DNAI2: variants seen among roughly 807,000 people sequenced by gnomAD.
DNAI2 encodes dynein, axonemal, intermediate polypeptide 2.
Under a neutral mutation model 74.7 loss-of-function variants are expected in DNAI2, and 63 were observed. The ratio of observed to expected loss-of-function variants is 0.84; its 90% confidence interval spans 0.69 to 1.04. The LOEUF (loss-of-function observed/expected upper bound fraction) is 1.04. DNAI2 is among the 50% of genes least tolerant of loss of function. The pLI is 0.00. For missense variants in DNAI2, 688 were observed against 803.2 expected (o/e 0.86, Z 1.73); for synonymous variants, 289 against 314.9 (o/e 0.92, Z 0.87).
Position 74,309,353 on chromosome 17 carries a change from A to G in DNAI2, c.1312A>G (p.Met438Val), listed in dbSNP as rs2053372810. ...CGGAACCCTGGATATCTGGGACTTC[A>G]TGTTCGAGCAGTGCGATCCCACCCT... ...MDGTLDIWDFMFEQCDPTLSL... is the reference protein window; with the variant it reads ...MDGTLDIWDFVFEQCDPTLSL... Residue 438 changes from methionine to valine, a missense_variant, in exon 10 of 14, where the codon ATG becomes GTG. Transcript: ENST00000311014. 1.9e-6 allele frequency: 3 copies of G among 1,614,060 alleles called. No individual in the cohort carries two copies. Among genetic ancestry groups the G allele is most frequent in the East Asian group, 2.2e-5 (1 of 44,896 alleles).
In DNAI2 at chr17:74,304,518, G is replaced by A. The variant is rs555278579; in HGVS notation, c.988-701G>A. On this transcript the variant is annotated intron_variant, in intron 8 of 13. Transcript: ENST00000311014. ...ACAAGGAAGGGCATTGCGTGATGGA[G>A]GGGGTCATGCTCAGAGACGCGAGGG... 6.6e-4 allele frequency among the ~76,000 whole-genome samples: 100 copies of A among 152,306 alleles called. 1 individual carries two copies. The highest frequency in any genetic ancestry group is 2.3e-3 in the African/African-American group (97 of 41,564).
chr17:74,311,137 C>T (rs1466038298), intron 11 of DNAI2, among the ~76,000 whole-genome samples: 4 of 150,916 alleles, frequency 2.7e-5, no homozygotes, highest in African/African-American at 9.7e-5. Context: ...GCCTCCCAAA[C>T]TGCTGGGATT....
At chr17:74,305,558 C>A in intron 9 of DNAI2, 116 bp downstream of exon 9, 1 of 874,334 alleles carries the variant, frequency 1.1e-6, no homozygotes, top group Non-Finnish European at 1.8e-6. Context: ...AAAAACCTTT[C>A]CACAAACACC....
chr17:74,296,213 G>A (rs765101863), intron 6 of DNAI2, among the ~76,000 whole-genome samples: 23 of 151,932 alleles, frequency 1.5e-4, no homozygotes, highest in Non-Finnish European at 2.9e-4. Context: ...AGTGGCTCAC[G>A]TCTGTAATCC....
intron 6 of DNAI2, among the ~76,000 whole-genome samples, chr17:74,296,255 G>A (rs1157315004): frequency 6.6e-6 from 1 of 150,442 alleles, no homozygotes; most frequent in African/African-American, 2.4e-5. Flanking sequence ...CGGGAGGATC[G>A]CCTGCATTCA....
At chr17:74,276,845 AG>A (rs886410234) in intron 1 of DNAI2, among the ~76,000 whole-genome samples, 25 of 152,342 alleles carry the variant, frequency 1.6e-4, no homozygotes, top group African/African-American at 6.0e-4. Flanking sequence ...TTCTTTTAAA[AG>A]TCAGAGACAG....
intron 4 of DNAI2, among the ~76,000 whole-genome samples, chr17:74,287,594 A>C (rs35967811): frequency 0.11 from 16,493 of 152,274 alleles, 1,164 homozygotes; most frequent in Non-Finnish European, 0.16. Flanking sequence ...AGCTAAGTCC[A>C]TCCATAGGGG....
At chr17:74,288,761 G>A (rs962901990) in intron 4 of DNAI2, among the ~76,000 whole-genome samples, 1 of 152,176 alleles carries the variant, frequency 6.6e-6, no homozygotes, top group Non-Finnish European at 1.5e-5. Context: ...GGGTGGAAGT[G>A]AGAAAGACCA....
intron 1 of DNAI2, among the ~76,000 whole-genome samples, chr17:74,275,584 G>C (rs958135799): frequency 6.6e-6 from 1 of 152,106 alleles, no homozygotes; most frequent in South Asian, 2.1e-4. Flanking sequence ...AATTCTGGCC[G>C]GGTGCAGTGG....
At chr17:74,279,742 T>C (rs1598264239) in intron 1 of DNAI2, among the ~76,000 whole-genome samples, 2 of 152,232 alleles carry the variant, frequency 1.3e-5, no homozygotes, top group East Asian at 3.8e-4. Flanking sequence ...TTGGCCAGGC[T>C]GGTCTTGAAC....
intron 4 of DNAI2, among the ~76,000 whole-genome samples, chr17:74,288,186 C>T (rs138377190): frequency 3.1e-4 from 47 of 152,310 alleles, no homozygotes; most frequent in Admixed American, 1.5e-3. Context: ...TTCTGTTTTC[C>T]ACCCTCAGTA....
intron 1 of DNAI2, 105 bp from the exon 2 acceptor site, chr17:74,281,702 C>T: frequency 8.6e-7 from 1 of 1,167,576 alleles, no homozygotes. Flanking sequence ...CCCTTGCTTC[C>T]TGCCCCAACC....
intron 1 of DNAI2, among the ~76,000 whole-genome samples, chr17:74,277,923 G>A (rs573542268): frequency 5.9e-5 from 9 of 152,294 alleles, no homozygotes; most frequent in South Asian, 4.1e-4. Context: ...ATTGCCTGGA[G>A]AATTAAAGAA....
At chr17:74,274,756 A>G (rs1032180232) in intron 1 of DNAI2, among the ~76,000 whole-genome samples, 5 of 152,188 alleles carry the variant, frequency 3.3e-5, no homozygotes, top group African/African-American at 1.2e-4. Context: ...TCTGCTCAGG[A>G]TAGAGGGATG....
intron 8 of DNAI2, among the ~76,000 whole-genome samples, chr17:74,301,482 G>A (rs945133682): frequency 2.6e-5 from 4 of 152,156 alleles, no homozygotes; most frequent in Non-Finnish European, 4.4e-5. Flanking sequence ...GGAAGGTCAC[G>A]CCCAGGACCA....
rs141367010 is a variant in DNAI2, at chr17:74,300,966, G to A, written c.865-80G>A. On this transcript the variant is annotated intron_variant, in intron 7 of 13. Coordinates refer to ENST00000311014, the MANE Select transcript of DNAI2 (RefSeq NM_023036.6). This position sits in a 1 kb window ranked among gnomAD's most constrained non-coding sequence, Gnocchi z 4.5. ...GTGGCCCAGTGGCTGACCCCAGGAC[G>A]GTGGGGTGAGGGCGGAGAAGGCAAA... 8.2e-6 allele frequency: 13 copies of A among 1,592,038 alleles called. No homozygotes were observed. Among genetic ancestry groups the A allele is most frequent in the African/African-American group, 2.7e-5 (2 of 74,544 alleles).
rs572657110 is a variant in DNAI2 at position 74,300,193 on chromosome 17, C to T, written c.864+336C>T. Reference sequence around the variant, plus strand: ...GAACTCTGACCTCAGGTGATCCACCCGCCTTGGCCTCCCAAAGTGGTGGGA... The same window carrying T: ...GAACTCTGACCTCAGGTGATCCACCTGCCTTGGCCTCCCAAAGTGGTGGGA... On this transcript the variant is annotated intron_variant, in intron 7 of 13. Coordinates refer to ENST00000311014, the MANE Select transcript of DNAI2 (RefSeq NM_023036.6). This position sits in a 1 kb window ranked among gnomAD's most constrained non-coding sequence, Gnocchi z 4.5. 2.0e-5 allele frequency among the ~76,000 whole-genome samples: 3 copies of T among 152,304 alleles called. No homozygotes were observed. Among genetic ancestry groups the T allele is most frequent in the South Asian group, 4.1e-4 (2 of 4,822 alleles).
At chr17:74,313,410 G>A (rs1055367993) in intron 12 of DNAI2, among the ~76,000 whole-genome samples, 24 of 152,148 alleles carry the variant, frequency 1.6e-4, no homozygotes, top group Non-Finnish European at 2.1e-4. Flanking sequence ...TCCACTTCTG[G>A]TGGAGGCAAA....
chr17:74,301,907 GA>G (rs2052813812), intron 8 of DNAI2, among the ~76,000 whole-genome samples: 3 of 30,228 alleles, frequency 9.9e-5, no homozygotes, highest in East Asian at 5.0e-4. Flanking sequence ...AGGAAGGAAG[GA>G]AAGAAGGAAG....
Sources: allele counts gnomAD v4.1 joint callset (sites outside exome capture counted in the v4.1 genomes callset), GRCh38; gene constraint gnomAD v4.1.1; non-coding constraint Gnocchi (gnomAD v3.1); transcripts MANE v1.5; gene names NCBI Gene and HGNC (gene_info 2026-07-23, HGNC 2026-07-21).